Variants in PLAC1 observed in about 807,000 individuals in gnomAD.
PLAC1 encodes the protein placenta-specific protein 1.
For synonymous variants in PLAC1, 68 were observed against 62.1 expected (o/e 1.09, Z -0.44); for missense variants, 136 against 163.2 (o/e 0.83, Z 0.91).
intron 1 of PLAC1, among the ~76,000 whole-genome samples, chrX:134,624,298 C>G: frequency 8.9e-6 from 1 of 112,036 alleles, no homozygotes; most frequent in South Asian, 3.7e-4. Flanking sequence ...ACCCAGCTAC[C>G]ACATTCAGAT....
At chrX:134,713,198 T>C (rs1267932247) in intron 2 of PLAC1, among the ~76,000 whole-genome samples, 1 of 110,686 alleles carries the variant, frequency 9.0e-6, no homozygotes, top group Admixed American at 9.5e-5. Context: ...ATGGATTGAA[T>C]AAATGAATGA....
At chrX:134,650,116 C>A (rs773949914) in intron 1 of PLAC1, among the ~76,000 whole-genome samples, 1 of 112,274 alleles carries the variant, frequency 8.9e-6, no homozygotes, top group South Asian at 3.7e-4. Context: ...TTAGATCATA[C>A]CCTTTATCCA....
intron 1 of PLAC1, among the ~76,000 whole-genome samples, chrX:134,619,947 GTTT>G (rs1041014974): frequency 1.8e-4 from 20 of 112,222 alleles, no homozygotes; most frequent in African/African-American, 6.5e-4. Context: ...TAGGCAGTAA[GTTT>G]TTTGTTTGTT....
chrX:134,695,413 T>G (rs2078559425), intron 2 of PLAC1, among the ~76,000 whole-genome samples: 1 of 112,191 alleles, frequency 8.9e-6, no homozygotes, highest in Non-Finnish European at 1.9e-5. Flanking sequence ...ATTGAGACCC[T>G]CCAGATACAA....
intron 1 of PLAC1, among the ~76,000 whole-genome samples, chrX:134,750,195 T>C (rs1448118215): frequency 8.9e-6 from 1 of 111,835 alleles, no homozygotes. Context: ...TTTTAGTTTG[T>C]TTCTTATTCC....
chrX:134,679,281 A>G (rs1046459132), intron 2 of PLAC1, among the ~76,000 whole-genome samples: 2 of 111,275 alleles, frequency 1.8e-5, no homozygotes, highest in Non-Finnish European at 3.8e-5. Flanking sequence ...TGCCTATAAC[A>G]TGTGCAAGAG....
chrX:134,709,855 T>C (rs1381642566), intron 2 of PLAC1, among the ~76,000 whole-genome samples: 2 of 111,786 alleles, frequency 1.8e-5, no homozygotes, highest in Non-Finnish European at 3.8e-5. Context: ...GAATTAAAGA[T>C]CTAACTGTTA....
intron 1 of PLAC1, among the ~76,000 whole-genome samples, chrX:134,627,559 G>A (rs2078242206): frequency 8.9e-6 from 1 of 112,271 alleles, no homozygotes; most frequent in African/African-American, 3.2e-5. Context: ...AGTCACAAAA[G>A]GTACAAGGCA....
At chrX:134,657,216 C>T (rs1050628977) in intron 1 of PLAC1, among the ~76,000 whole-genome samples, 7 of 112,471 alleles carry the variant, frequency 6.2e-5, no homozygotes, top group Non-Finnish European at 1.1e-4. Context: ...CTTGAACATA[C>T]GGATGCTCCT....
At chrX:134,655,366 T>C (rs182283143) in intron 1 of PLAC1, among the ~76,000 whole-genome samples, 3,204 of 94,514 alleles carry the variant, frequency 0.034, 160 homozygotes, top group African/African-American at 0.11. Flanking sequence ...CACACACACA[T>C]ATATTTGAAG....
intron 2 of PLAC1, among the ~76,000 whole-genome samples, chrX:134,586,268 G>A (rs1192296901): frequency 8.9e-6 from 1 of 111,885 alleles, no homozygotes; most frequent in Non-Finnish European, 1.9e-5. Flanking sequence ...GGAGGGAGGA[G>A]AAGGCAAATG....
chrX:134,719,795 A>AAAAC (rs1196338809), intron 2 of PLAC1, among the ~76,000 whole-genome samples: 1 of 111,613 alleles, frequency 9.0e-6, no homozygotes, highest in Non-Finnish European at 1.9e-5. Context: ...GTTTCAATGA[A>AAAAC]AAACAAACAA....
At chrX:134,575,948 A>C (rs2077936916) in intron 2 of PLAC1, among the ~76,000 whole-genome samples, 1 of 108,495 alleles carries the variant, frequency 9.2e-6, no homozygotes, top group African/African-American at 3.3e-5. Flanking sequence ...GTCTTATCAT[A>C]TCTAATAATA....
chrX:134,599,683 G>T (rs1271833137), intron 2 of PLAC1, among the ~76,000 whole-genome samples: 1 of 111,765 alleles, frequency 8.9e-6, no homozygotes, highest in Admixed American at 9.5e-5. Context: ...AGAATCTAGG[G>T]GAGGGAGAGT....
At chrX:134,573,161 T>C (rs964064445) in intron 2 of PLAC1, among the ~76,000 whole-genome samples, 1 of 111,720 alleles carries the variant, frequency 9.0e-6, no homozygotes, top group Non-Finnish European at 1.9e-5. Context: ...TAGAGGAAAT[T>C]GCAAAGATCA....
At chrX:134,749,371 T>C (rs2078736107) in intron 1 of PLAC1, among the ~76,000 whole-genome samples, 1 of 111,719 alleles carries the variant, frequency 9.0e-6, no homozygotes, top group African/African-American at 3.3e-5. Flanking sequence ...GACGTTTGCC[T>C]GTAGTCCCAG....
At chrX:134,686,639 A>G (rs1434463249) in intron 2 of PLAC1, among the ~76,000 whole-genome samples, 1 of 111,683 alleles carries the variant, frequency 9.0e-6, no homozygotes, top group Non-Finnish European at 1.9e-5. Context: ...CTTTTTAAAG[A>G]TCCTCCTTCA....
intron 1 of PLAC1, among the ~76,000 whole-genome samples, chrX:134,638,761 T>TA (rs1163091116): frequency 1.4e-4 from 15 of 105,434 alleles, no homozygotes; most frequent in East Asian, 8.9e-4. Flanking sequence ...GCTGGCTTTT[T>TA]TAAAAAAAAA....
At chrX:134,601,935 T>A (rs1271580364) in intron 2 of PLAC1, 116 bp downstream of exon 2, 2 of 112,375 alleles carry the variant, frequency 1.8e-5, no homozygotes, top group African/African-American at 3.2e-5. Context: ...TTTAAAAAAA[T>A]CAACAATCAC....
Sources: gnomAD v4.1 joint callset for allele counts (sites outside exome capture counted in the v4.1 genomes callset) on GRCh38, gnomAD v4.1.1 for gene constraint, MANE v1.5 for transcripts, NCBI Gene and HGNC (gene_info 2026-07-23, HGNC 2026-07-21) for gene names.